Variants in DYNC2I1 observed in about 807,000 individuals in gnomAD.
The protein encoded by DYNC2I1 is dynein 2 intermediate chain 1.
DYNC2I1 carries 89 observed loss-of-function variants against 133.4 expected under a neutral mutation model. The ratio of observed to expected loss-of-function variants is 0.67; its 90% CI spans 0.56 to 0.80. The LOEUF is 0.80. Ranked by LOEUF, DYNC2I1 falls within the 30% of genes least tolerant of loss-of-function variation. The pLI is 0.00. For missense variants in DYNC2I1, 1,291 were observed against 1,314.5 expected (o/e 0.98, Z 0.28); for synonymous variants, 504 against 484.3 (o/e 1.04, Z -0.54).
At chr7:158,928,243 G>C (rs1302894290) in intron 20 of DYNC2I1, among the ~76,000 whole-genome samples, 1 of 151,078 alleles carries the variant, frequency 6.6e-6, no homozygotes, top group South Asian at 2.1e-4. Flanking sequence ...GTCCTGTTGT[G>C]TTCTGTGGTT....
At chr7:158,901,478 C>T (rs1475256347) in intron 8 of DYNC2I1, among the ~76,000 whole-genome samples, 2 of 152,130 alleles carry the variant, frequency 1.3e-5, no homozygotes, top group African/African-American at 4.8e-5. Flanking sequence ...ATTTGTAAAA[C>T]ACTTAAAAAA....
intron 8 of DYNC2I1, among the ~76,000 whole-genome samples, chr7:158,898,863 A>G (rs1193951838): frequency 6.6e-6 from 1 of 151,452 alleles, no homozygotes; most frequent in Non-Finnish European, 1.5e-5. Flanking sequence ...CATATCAGTT[A>G]AAGGTTGTTT....
At chr7:158,881,818 T>TAC in intron 5 of DYNC2I1, among the ~76,000 whole-genome samples, 1 of 152,290 alleles carries the variant, frequency 6.6e-6, no homozygotes, top group African/African-American at 2.4e-5. Flanking sequence ...AACGTTGTGT[T>TAC]ACGAACATTT....
chr7:158,918,035 C>G (rs1235576627), intron 14 of DYNC2I1, among the ~76,000 whole-genome samples: 5 of 152,124 alleles, frequency 3.3e-5, no homozygotes, highest in African/African-American at 1.2e-4. Context: ...ACAGTCAGCT[C>G]TCACTCAACA....
chr7:158,842,858 G>A, the DYNC2I1 span, among the ~76,000 whole-genome samples: 20 of 152,334 alleles, frequency 1.3e-4, no homozygotes, highest in South Asian at 1.5e-3. Context: ...CTGCAAAGCA[G>A]ACACCATGTT....
At position 158,856,636 on chromosome 7, in the gene DYNC2I1, C is replaced by A. The variant is rs1042781033; in HGVS notation, c.-100C>A. ...GCTTGTCGGTTGCTAGGCGCTGGGA[C>A]GCGCCTCCCGAAGGGTGCGGGGCAC... On this transcript the variant is annotated 5_prime_UTR_variant, in exon 1 of 25. Transcript: ENST00000407559. 11 of 1,172,896 alleles carry A rather than the reference C, an allele frequency of 9.4e-6. No homozygotes were observed. Among genetic ancestry groups the A allele is most frequent in the Non-Finnish European group, 1.2e-5 (11 of 934,340 alleles). 72.7% of individuals were successfully genotyped at this position (1,172,896 alleles called of 1,614,324 possible). A position where few individuals can be genotyped will look rare whatever the true frequency, so the allele number is the denominator to read the frequency against.
the DYNC2I1 span, among the ~76,000 whole-genome samples, chr7:158,843,795 G>A: frequency 6.6e-6 from 1 of 152,124 alleles, no homozygotes; most frequent in East Asian, 1.9e-4. Flanking sequence ...TTGAAGACAA[G>A]CCAGGGAAAA....
intron 5 of DYNC2I1, among the ~76,000 whole-genome samples, chr7:158,883,327 C>T (rs1214069537): frequency 6.6e-6 from 1 of 150,892 alleles, no homozygotes; most frequent in Admixed American, 6.6e-5. Context: ...AAGTGATTCT[C>T]CTGCCTCAGC....
chr7:158,913,108 C>T lies in DYNC2I1; in HGVS notation c.1702+12C>T, dbSNP rs1477871841. On this transcript the variant is annotated intron_variant, in intron 13 of 24. Transcript: ENST00000407559. ...TGTTGTATCTGGAGGTAACATCTTG[C>T]TCTTGAGTGTTGACCATTGACTCTC... The T allele has an allele frequency of 6.3e-7, 1 of 1,583,118 alleles. No homozygotes were observed.
chr7:158,912,840 G>A (rs1487804131), intron 12 of DYNC2I1, 145 bp from the exon 13 acceptor site: 12 of 584,134 alleles, frequency 2.1e-5, no homozygotes, highest in African/African-American at 3.8e-5. Context: ...TATATCGAAC[G>A]TTTAAGCACA....
chr7:158,936,838 C>T (rs975288672), intron 23 of DYNC2I1, among the ~76,000 whole-genome samples: 14 of 152,316 alleles, frequency 9.2e-5, no homozygotes, highest in Admixed American at 9.1e-4. Flanking sequence ...CAAAGTGAAC[C>T]TCGTCTTAAG....
chr7:158,923,075 GC>G (rs1269380614), intron 16 of DYNC2I1, among the ~76,000 whole-genome samples: 2 of 152,206 alleles, frequency 1.3e-5, no homozygotes, highest in Admixed American at 1.3e-4. Context: ...TGAGGACTGT[GC>G]GGTGAGGGGT....
chr7:158,928,333 CCT>C, intron 20 of DYNC2I1, among the ~76,000 whole-genome samples: 1 of 152,300 alleles, frequency 6.6e-6, no homozygotes, highest in South Asian at 2.1e-4. Context: ...GACAAACCCC[CCT>C]TTCACCTTGC....
intron 11 of DYNC2I1, among the ~76,000 whole-genome samples, chr7:158,909,330 C>CAAAAA (rs66565045): frequency 1.5e-4 from 7 of 46,734 alleles, no homozygotes; most frequent in African/African-American, 3.8e-4. Flanking sequence ...GACTCTGTCT[C>CAAAAA]AAAAAAAAAA....
chr7:158,873,000 A>AC (rs1323922099), intron 3 of DYNC2I1, among the ~76,000 whole-genome samples: 1 of 151,900 alleles, frequency 6.6e-6, no homozygotes, highest in Non-Finnish European at 1.5e-5. Context: ...AAAAAAAAAA[A>AC]CCCAAAAAAC....
intron 20 of DYNC2I1, among the ~76,000 whole-genome samples, chr7:158,928,242 T>C (rs956507694): frequency 1.3e-5 from 2 of 151,200 alleles, no homozygotes; most frequent in African/African-American, 4.8e-5. Context: ...AGTCCTGTTG[T>C]GTTCTGTGGT....
Position 158,922,481 on chromosome 7 carries a change from T to A in DYNC2I1, c.2026T>A (p.Tyr676Asn), listed in dbSNP as rs1162218933. The stretch of plus-strand genomic sequence containing the variant: ...CTTTGTGCCCCTGCTGGACAGCAAA[T>A]ACGTCCTCTGTGTGTGGGATATTTG... ...KSFVPLLDSK[Y>N]VLCVWDIWQP... The change falls in exon 16 of 25, where the codon TAC becomes AAC. Residue 676 changes from tyrosine to asparagine, a missense_variant. By Grantham distance (143) the Tyr-to-Asn change is moderately radical. Coordinates refer to ENST00000407559, the MANE Select transcript of DYNC2I1 (RefSeq NM_018051.5). 2 of 1,613,922 alleles carry A rather than the reference T, an allele frequency of 1.2e-6. No individual in the cohort carries two copies. Among genetic ancestry groups the A allele is most frequent in the South Asian group, 2.2e-5 (2 of 91,078 alleles).
intron 1 of DYNC2I1, among the ~76,000 whole-genome samples, chr7:158,863,665 G>C (rs1400290821): frequency 5.0e-5 from 3 of 60,316 alleles, no homozygotes; most frequent in African/African-American, 8.4e-5. Flanking sequence ...GCTGGGGGGG[G>C]GTGTGGGGAG....
chr7:158,933,003 T>G (rs907473429), intron 21 of DYNC2I1, among the ~76,000 whole-genome samples: 1 of 152,130 alleles, frequency 6.6e-6, no homozygotes, highest in Admixed American at 6.5e-5. Flanking sequence ...TTGTGGTGCC[T>G]GTGGAGATGC....
Sources: allele counts gnomAD v4.1 joint callset (sites outside exome capture counted in the v4.1 genomes callset), GRCh38; gene constraint gnomAD v4.1.1; transcripts MANE v1.5; gene names NCBI Gene and HGNC (gene_info 2026-07-23, HGNC 2026-07-21).